LRP1B: variants seen among roughly 807,000 people sequenced by gnomAD.
The protein encoded by LRP1B is low-density lipoprotein receptor-related protein 1B.
LRP1B carries 217 observed loss-of-function variants against 556.6 expected under a neutral mutation model. That is an observed-to-expected ratio of 0.39 (90% CI 0.35 to 0.44). The LOEUF (loss-of-function observed/expected upper bound fraction) is 0.44. Among genes scored for constraint, LRP1B ranks in the 20% least tolerant of loss-of-function variants. LRP1B has a pLI of 1.00. For synonymous variants in LRP1B, 2,047 were observed against 1,865.8 expected (o/e 1.10, Z -2.50); for missense variants, 5,053 against 5,620.8 (o/e 0.90, Z 3.23).
At chr2:140,954,348 A>C (rs745807065) in intron 18 of LRP1B, among the ~76,000 whole-genome samples, 3 of 152,150 alleles carry the variant, frequency 2.0e-5, no homozygotes, top group Non-Finnish European at 4.4e-5. Flanking sequence ...GTAAACAATA[A>C]AATGGGGACT....
chr2:140,245,177 T>G (rs1391100467), intron 87 of LRP1B, among the ~76,000 whole-genome samples: 2 of 151,358 alleles, frequency 1.3e-5, no homozygotes, highest in Non-Finnish European at 3.0e-5. Flanking sequence ...GAGAAAGAGC[T>G]TCAGAATCAT....
chr2:141,938,307 A>G (rs1482962758), intron 1 of LRP1B, among the ~76,000 whole-genome samples: 1 of 152,206 alleles, frequency 6.6e-6, no homozygotes, highest in African/African-American at 2.4e-5. Context: ...CTGAATCAAC[A>G]TCTTCCAAAG....
intron 27 of LRP1B, among the ~76,000 whole-genome samples, chr2:140,867,011 A>G (rs1389615642): frequency 2.0e-5 from 3 of 152,112 alleles, no homozygotes; most frequent in African/African-American, 4.8e-5. Flanking sequence ...TATCACATAT[A>G]ATGAGGAAAA....
chr2:140,525,780 A>C, intron 49 of LRP1B, 64 bp downstream of exon 49: 1 of 1,515,504 alleles, frequency 6.6e-7, no homozygotes, highest in Non-Finnish European at 9.0e-7. Context: ...AATTCACTCT[A>C]TACAACCAGG....
At chr2:141,956,410 C>CT (rs1701254398) in intron 1 of LRP1B, among the ~76,000 whole-genome samples, 1 of 151,948 alleles carries the variant, frequency 6.6e-6, no homozygotes, top group South Asian at 2.1e-4. Flanking sequence ...AATATTTTTA[C>CT]TTTTTTTCTA....
At chr2:141,836,232 G>A (rs1320758263) in intron 1 of LRP1B, among the ~76,000 whole-genome samples, 1 of 151,884 alleles carries the variant, frequency 6.6e-6, no homozygotes. Flanking sequence ...CCACTATTGT[G>A]CAAACTCACA....
chr2:140,438,464 T>C (rs894484770), intron 66 of LRP1B, among the ~76,000 whole-genome samples: 1 of 152,228 alleles, frequency 6.6e-6, no homozygotes, highest in Non-Finnish European at 1.5e-5. Context: ...CTTATAACTG[T>C]AGCTTATAAC....
At chr2:141,042,748 A>G (rs1036860771) in intron 11 of LRP1B, among the ~76,000 whole-genome samples, 1 of 152,074 alleles carries the variant, frequency 6.6e-6, no homozygotes, top group Non-Finnish European at 1.5e-5. Context: ...TACTCATTAA[A>G]TGTTCACTAT....
intron 32 of LRP1B, among the ~76,000 whole-genome samples, chr2:140,779,199 G>A (rs1221939681): frequency 6.6e-6 from 1 of 151,976 alleles, no homozygotes; most frequent in Non-Finnish European, 1.5e-5. Flanking sequence ...AGAACACTGT[G>A]CTTAAAAAAA....
At chr2:140,247,233 A>AC in intron 86 of LRP1B, 71 bp from the exon 87 acceptor site, 1 of 1,033,204 alleles carries the variant, frequency 9.7e-7, no homozygotes, top group Non-Finnish European at 1.5e-6. Context: ...TAATGTAGTA[A>AC]CTTTAACCAA....
intron 66 of LRP1B, among the ~76,000 whole-genome samples, chr2:140,419,789 C>A (rs1685354954): frequency 6.6e-6 from 1 of 152,106 alleles, no homozygotes; most frequent in Non-Finnish European, 1.5e-5. Context: ...AAGTGGATCA[C>A]TTGAGGTCAG....
intron 1 of LRP1B, among the ~76,000 whole-genome samples, chr2:141,955,333 G>A (rs1701216644): frequency 6.6e-6 from 1 of 152,078 alleles, no homozygotes; most frequent in African/African-American, 2.4e-5. Context: ...ATGTGTTTTA[G>A]ATGACAAATG....
At chr2:141,449,295 G>GT (rs1210114513) in intron 3 of LRP1B, among the ~76,000 whole-genome samples, 1 of 152,094 alleles carries the variant, frequency 6.6e-6, no homozygotes, top group Non-Finnish European at 1.5e-5. Context: ...CAATTACAAT[G>GT]TTATGACTCT....
intron 39 of LRP1B, 33 bp from the exon 40 acceptor site, chr2:140,701,878 T>C (rs770382476): frequency 6.2e-7 from 1 of 1,611,384 alleles, no homozygotes; most frequent in African/African-American, 1.3e-5. Context: ...TGATCAACAA[T>C]CTTCGACTAA....
At chr2:142,044,554 A>G (rs1248813480) in intron 1 of LRP1B, among the ~76,000 whole-genome samples, 1 of 151,712 alleles carries the variant, frequency 6.6e-6, no homozygotes, top group African/African-American at 2.4e-5. Context: ...ATAAACACAT[A>G]CCTGCTGGCA....
intron 41 of LRP1B, among the ~76,000 whole-genome samples, chr2:140,669,147 C>T (rs67721025): frequency 0.055 from 8,409 of 152,096 alleles, 296 homozygotes; most frequent in East Asian, 0.15. Context: ...TCATAAGCCA[C>T]GGACATGGTA....
At chr2:141,437,042 C>T (rs1294343697) in intron 3 of LRP1B, among the ~76,000 whole-genome samples, 1 of 152,068 alleles carries the variant, frequency 6.6e-6, no homozygotes, top group Non-Finnish European at 1.5e-5. Flanking sequence ...GCATGAATGA[C>T]CCACATTTTA....
At chr2:141,404,470 T>A (rs1461451296) in intron 3 of LRP1B, among the ~76,000 whole-genome samples, 1 of 152,224 alleles carries the variant, frequency 6.6e-6, no homozygotes, top group Non-Finnish European at 1.5e-5. Flanking sequence ...GTTCTAAGCA[T>A]CTAACATATG....
chr2:140,885,476 G>C (rs368033830), intron 24 of LRP1B, among the ~76,000 whole-genome samples: 3 of 151,270 alleles, frequency 2.0e-5, no homozygotes, highest in East Asian at 3.9e-4. Flanking sequence ...TCAGCCTCCC[G>C]AGCAGCTGGG....
Sources: allele counts gnomAD v4.1 joint callset (sites outside exome capture counted in the v4.1 genomes callset), GRCh38; gene constraint gnomAD v4.1.1; transcripts MANE v1.5; gene names NCBI Gene and HGNC (gene_info 2026-07-23, HGNC 2026-07-21).